GOLGA8B: variants seen among roughly 807,000 people sequenced by gnomAD.
The protein encoded by GOLGA8B is golgin subfamily A member 8B.
A neutral mutation model predicts 15.6 loss-of-function variants in GOLGA8B; 1 was observed. The observed-to-expected ratio is 0.06, with a 90% CI of 0.02 to 0.30. The LOEUF (loss-of-function observed/expected upper bound fraction) is 0.30. Among genes scored for constraint, GOLGA8B ranks in the 10% least tolerant of loss-of-function variants. The pLI is 1.00. For missense variants in GOLGA8B, 17 were observed against 201.3 expected (o/e 0.08, Z 5.54); for synonymous variants, 9 against 80.3 (o/e 0.11, Z 4.75).
At chr15:34,567,794 C>T (rs1192845434) in intron 1 of GOLGA8B, among the ~76,000 whole-genome samples, 2 of 151,994 alleles carry the variant, frequency 1.3e-5, no homozygotes, top group Non-Finnish European at 1.5e-5. Flanking sequence ...CACAATGATA[C>T]AAGTAAGTCC....
Position 34,578,261 on chromosome 15 carries a change from T to C in GOLGA8B, c.-1123+5255A>G, listed in dbSNP as rs574198897. Among the ~76,000 whole-genome samples the C allele has an allele frequency of 1.1e-3, 163 of 152,312 alleles. 1 individual carries two copies. The highest frequency in any genetic ancestry group is 3.4e-3 in the Middle Eastern group (1 of 294). ...AAACACCTTAGTGTCCCACCAACCA[T>C]GTTAGCCACCTTCCTGGAGGGCAAG... On this transcript the variant is annotated intron_variant, in intron 1 of 23. Coordinates refer to ENST00000683415, the MANE Select transcript of GOLGA8B (RefSeq NM_001023567.5).
intron 1 of GOLGA8B, among the ~76,000 whole-genome samples, chr15:34,563,534 A>ATT (rs1888678481): frequency 6.7e-6 from 1 of 148,884 alleles, no homozygotes; most frequent in Non-Finnish European, 1.5e-5. Flanking sequence ...TTGGAGGTGA[A>ATT]TTCTCTTCTC....
chr15:34,554,313 G>A (rs1473290854), intron 1 of GOLGA8B, among the ~76,000 whole-genome samples: 7 of 152,282 alleles, frequency 4.6e-5, no homozygotes, highest in African/African-American at 9.6e-5. Flanking sequence ...CCAGGCTGCC[G>A]GTCTGCCTGT....
intron 1 of GOLGA8B, among the ~76,000 whole-genome samples, chr15:34,554,416 T>TACAC (rs1167024983): frequency 7.5e-5 from 11 of 147,362 alleles, no homozygotes; most frequent in Middle Eastern, 3.6e-3. Context: ...ACATACCCCA[T>TACAC]ACACACCACA....
intron 1 of GOLGA8B, among the ~76,000 whole-genome samples, chr15:34,580,399 C>T (rs1459721198): frequency 6.6e-6 from 1 of 152,176 alleles, no homozygotes; most frequent in African/African-American, 2.4e-5. Context: ...TGGGCCTGGG[C>T]CAACTTGCAC....
intron 1 of GOLGA8B, among the ~76,000 whole-genome samples, chr15:34,581,987 T>C (rs1889249159): frequency 1.3e-5 from 2 of 152,018 alleles, no homozygotes; most frequent in Admixed American, 1.3e-4. Flanking sequence ...GCTCACGCCC[T>C]GGACACTGCC....
At position 34,580,008 on chromosome 15, in the gene GOLGA8B, C is replaced by T. The variant is rs553657965; in HGVS notation, c.-1123+3508G>A. Among the ~76,000 whole-genome samples the T allele has an allele frequency of 6.6e-5, 10 of 152,038 alleles. No homozygotes were observed. In the East Asian group the frequency reaches 7.7e-4, roughly 12 times the overall value. Reference sequence around the variant, plus strand: ...GAAGTAACGCTAATTTATGCAGGGCCATCAGGGAGCCGGCAATAGGTGAGG... The same window carrying T: ...GAAGTAACGCTAATTTATGCAGGGCTATCAGGGAGCCGGCAATAGGTGAGG... On this transcript the variant is annotated intron_variant, in intron 1 of 23. Transcript: ENST00000683415.
intron 7 of GOLGA8B, among the ~76,000 whole-genome samples, chr15:34,543,376 G>T (rs1413165579): frequency 6.8e-6 from 1 of 146,772 alleles, no homozygotes. Flanking sequence ...TGGTGGTGGT[G>T]GGGTATTTTT....
rs1323322668 is a variant in GOLGA8B at position 34,563,551 on chromosome 15, A to AC, written c.-1122-9596dup. Among the ~76,000 whole-genome samples the AC allele has an allele frequency of 1.3e-5, 2 of 148,716 alleles. 1 individual carries two copies. The highest frequency in any genetic ancestry group is 5.0e-5 in the African/African-American group (2 of 40,194). ...GGAGGTGAATTCTCTTCTCTTGGTA[A>AC]CCCCATCCCTTTTTTTTGGTAATTG... is the stretch of plus-strand genomic sequence containing the variant. On this transcript the variant is annotated intron_variant, in intron 1 of 23. Coordinates refer to ENST00000683415, the MANE Select transcript of GOLGA8B (RefSeq NM_001023567.5).
In GOLGA8B at chr15:34,526,338, T is replaced by G; in HGVS notation, c.*1294A>C. 6.7e-6 allele frequency: 1 copy of G among 149,688 alleles called. No individual in the cohort carries two copies. Among genetic ancestry groups the G allele is most frequent in the African/African-American group, 2.5e-5 (1 of 40,408 alleles). The allele number at this position is 149,688 out of a possible 1,614,324, so 9.3% of individuals were successfully genotyped here. ...ATTCCTTTTTGTTTCAACTAAGTAC[T>G]CTCACATATATTAGTTTATAATAAT... On this transcript the variant is annotated 3_prime_UTR_variant, in exon 24 of 24. Transcript: ENST00000683415.
chr15:34,575,693 A>G (rs1828559973), intron 1 of GOLGA8B, among the ~76,000 whole-genome samples: 1 of 151,130 alleles, frequency 6.6e-6, no homozygotes. Context: ...AAACCCACCC[A>G]CTCTTCTAGG....
At chr15:34,575,996 C>T (rs765618765) in intron 1 of GOLGA8B, among the ~76,000 whole-genome samples, 1 of 152,196 alleles carries the variant, frequency 6.6e-6, no homozygotes, top group African/African-American at 2.4e-5. Flanking sequence ...TACCTGCTCC[C>T]GGTTGTACCA....
intron 1 of GOLGA8B, among the ~76,000 whole-genome samples, chr15:34,578,908 T>C (rs934185028): frequency 1.3e-5 from 2 of 152,146 alleles, no homozygotes; most frequent in African/African-American, 4.8e-5. Flanking sequence ...TTAGAGTTTA[T>C]GACAGGCCTC....
chr15:34,551,956 G>A lies in GOLGA8B; in HGVS notation c.-713-680C>T, dbSNP rs533324625. Among the ~76,000 whole-genome samples, 11 of 104,136 alleles carry A rather than the reference G, an allele frequency of 1.1e-4. 2 individuals are homozygous for A. In the East Asian group the frequency reaches 2.8e-3, roughly 26 times the overall value. The allele number at this position is 104,136 out of a possible 152,430, so 68.3% of individuals were successfully genotyped here. A position where few individuals can be genotyped will look rare whatever the true frequency, so the allele number is the denominator to read the frequency against. On this transcript the variant is annotated intron_variant, in intron 3 of 23. Coordinates refer to ENST00000683415, the MANE Select transcript of GOLGA8B (RefSeq NM_001023567.5). ...CCTCTGCATAACTGCAGCAGCTGGTGCCATCCTCTGTTCACTTGCATCAGA... is the reference window on the plus strand; with the variant it reads ...CCTCTGCATAACTGCAGCAGCTGGTACCATCCTCTGTTCACTTGCATCAGA...
chr15:34,561,532 A>AT (rs1201217909), intron 1 of GOLGA8B, among the ~76,000 whole-genome samples: 1 of 116,150 alleles, frequency 8.6e-6, no homozygotes, highest in Non-Finnish European at 1.7e-5. Context: ...CGGATATTCC[A>AT]TAAAGACGGG....
chr15:34,563,553 C>T (rs1250590068), intron 1 of GOLGA8B, among the ~76,000 whole-genome samples: 1 of 149,178 alleles, frequency 6.7e-6, no homozygotes, highest in Non-Finnish European at 1.5e-5. Flanking sequence ...TCTTGGTAAC[C>T]CCATCCCTTT....
intron 1 of GOLGA8B, among the ~76,000 whole-genome samples, chr15:34,557,669 T>TGTGTGTGTGTGTGC (rs1310818958): frequency 6.5e-5 from 7 of 108,254 alleles, no homozygotes; most frequent in African/African-American, 2.3e-4. Context: ...TGTGTGTGTG[T>TGTGTGTGTGTGTGC]GTGTGTGTGT....
chr15:34,576,248 G>C (rs1434536850), intron 1 of GOLGA8B, among the ~76,000 whole-genome samples: 1 of 152,224 alleles, frequency 6.6e-6, no homozygotes, highest in Non-Finnish European at 1.5e-5. Context: ...AGACAAGTTG[G>C]AGATGAGGCT....
chr15:34,577,119 C>T (rs1326507689), intron 1 of GOLGA8B, among the ~76,000 whole-genome samples: 4 of 151,970 alleles, frequency 2.6e-5, no homozygotes, highest in Non-Finnish European at 4.4e-5. Flanking sequence ...TGCCTGGCCC[C>T]ACTGCACCAC....
Sources: allele counts gnomAD v4.1 joint callset (sites outside exome capture counted in the v4.1 genomes callset), GRCh38; gene constraint gnomAD v4.1.1; transcripts MANE v1.5; gene names NCBI Gene and HGNC (gene_info 2026-07-23, HGNC 2026-07-21).